Variants in WBP2NL observed in about 807,000 individuals in gnomAD.
WBP2NL encodes WBP2 N-terminal like, also known as postacrosomal sheath WW domain-binding protein.
WBP2NL carries 27 observed loss-of-function variants against 23.3 expected under a neutral mutation model. The observed-to-expected ratio is 1.16, with a 90% confidence interval of 0.85 to 1.60. The LOEUF is 1.60. Among genes scored for constraint, WBP2NL ranks in the 40% most tolerant of loss-of-function variants. WBP2NL has a pLI of 0.00. For synonymous variants in WBP2NL, 151 were observed against 145.9 expected (o/e 1.03, Z -0.25); for missense variants, 370 against 389.5 (o/e 0.95, Z 0.42).
intron 5 of WBP2NL, among the ~76,000 whole-genome samples, chr22:42,022,777 A>G (rs549309043): frequency 2.0e-5 from 3 of 152,288 alleles, no homozygotes; most frequent in South Asian, 2.1e-4. Flanking sequence ...GTCCACTGCT[A>G]CTGAATGGGG....
Position 42,028,093 on chromosome 22 carries a change from G to A in WBP2NL, c.*912G>A, listed in dbSNP as rs1924669825. The A allele has an allele frequency of 2.5e-6, 1 of 398,436 alleles. No homozygotes were observed. Among genetic ancestry groups the A allele is most frequent in the South Asian group, 1.3e-4 (1 of 7,858 alleles). The allele number at this position is 398,436 out of a possible 1,614,324, so 24.7% of individuals were successfully genotyped here. A position where few individuals can be genotyped will look rare whatever the true frequency, so the allele number is the denominator to read the frequency against. On this transcript the variant is annotated 3_prime_UTR_variant, in exon 6 of 6. Coordinates refer to ENST00000328823, the MANE Select transcript of WBP2NL (RefSeq NM_152613.3). Reference sequence around the variant, plus strand: ...GTGTGCACAAAGATGCATGTGGGAAGATTTCATTATATTCATTGTTTCTAA... The same window carrying A: ...GTGTGCACAAAGATGCATGTGGGAAAATTTCATTATATTCATTGTTTCTAA...
At chr22:42,002,557 C>G (rs1802653973) in intron 1 of WBP2NL, 1 of 152,210 alleles carries the variant, frequency 6.6e-6, no homozygotes, top group Non-Finnish European at 1.5e-5. Flanking sequence ...ACACTACACT[C>G]CAGCCTGGGT....
chr22:42,035,716 G>T (rs1052437958), downstream of WBP2NL, among the ~76,000 whole-genome samples: 1 of 152,058 alleles, frequency 6.6e-6, no homozygotes, highest in Non-Finnish European at 1.5e-5. Context: ...GAATGTTTTT[G>T]TGAAACATTG....
intron 1 of WBP2NL, 113 bp from the exon 2 acceptor site, chr22:42,019,198 G>A: frequency 3.3e-6 from 3 of 913,288 alleles, no homozygotes; most frequent in Non-Finnish European, 3.3e-6. Context: ...TCCCGCCTGG[G>A]CAACAGAGTA....
chr22:42,045,359 T>C (rs990765621), intron 8 of WBP2NL, among the ~76,000 whole-genome samples: 21 of 152,184 alleles, frequency 1.4e-4, no homozygotes, highest in Non-Finnish European at 1.5e-4. Flanking sequence ...GAGAATGGCG[T>C]GAACCCAGGA....
chr22:42,052,555 G>A (rs199808196), intron 8 of WBP2NL, among the ~76,000 whole-genome samples: 1 of 152,178 alleles, frequency 6.6e-6, no homozygotes, highest in Non-Finnish European at 1.5e-5. Flanking sequence ...GCTGGGATTA[G>A]AGGCATGAGC....
At chr22:42,033,830 G>A (rs1398035642), downstream of WBP2NL, among the ~76,000 whole-genome samples, 1 of 152,232 alleles carries the variant, frequency 6.6e-6, no homozygotes, top group African/African-American at 2.4e-5. Flanking sequence ...GGCCTCAGAG[G>A]GGAAGAAGTA....
chr22:42,020,876 A>G (rs1923859286), intron 4 of WBP2NL, among the ~76,000 whole-genome samples: 1 of 16,026 alleles, frequency 6.2e-5, no homozygotes, highest in Non-Finnish European at 9.9e-5. Flanking sequence ...GTGTATATAT[A>G]TATATATATA....
intron 1 of WBP2NL, among the ~76,000 whole-genome samples, chr22:42,000,059 C>G (rs970808278): frequency 6.6e-6 from 1 of 152,194 alleles, no homozygotes; most frequent in South Asian, 2.1e-4. Context: ...GCGCTCCTTT[C>G]TGGGCTCTGA....
chr22:42,020,866 GTGTATATATATA>G (rs1466498313), intron 4 of WBP2NL, among the ~76,000 whole-genome samples: 238 of 15,508 alleles, frequency 0.015, 2 homozygotes, highest in East Asian at 0.056. Flanking sequence ...GTGTGTGTGT[GTGTATATATATA>G]TATATATATA....
At chr22:42,036,872 C>G (rs1175258266), downstream of WBP2NL, among the ~76,000 whole-genome samples, 1 of 152,118 alleles carries the variant, frequency 6.6e-6, no homozygotes, top group East Asian at 1.9e-4. Flanking sequence ...TTTTCCCATT[C>G]TGTAGGTTGC....
intron 4 of WBP2NL, among the ~76,000 whole-genome samples, chr22:42,021,029 C>T (rs1220711577): frequency 6.9e-6 from 1 of 144,484 alleles, no homozygotes; most frequent in East Asian, 2.1e-4. Context: ...AAGTGATTCT[C>T]CTCCCTCAGC....
At chr22:42,043,039 A>G (rs987304405) in intron 8 of WBP2NL, among the ~76,000 whole-genome samples, 71 of 147,466 alleles carry the variant, frequency 4.8e-4, no homozygotes, top group Non-Finnish European at 9.0e-4. Context: ...AAAAAAAAAA[A>G]GGAGAAGAAG....
chr22:42,008,809 C>T (rs776897732), intron 1 of WBP2NL, among the ~76,000 whole-genome samples: 19 of 150,800 alleles, frequency 1.3e-4, no homozygotes, highest in East Asian at 3.9e-4. Context: ...GATGGAGTCT[C>T]GCTCTGTTGC....
intron 8 of WBP2NL, among the ~76,000 whole-genome samples, chr22:42,042,420 TTCTTCTACTTGAGTCA>T (rs59575728): frequency 0.069 from 10,520 of 152,238 alleles, 1,010 homozygotes; most frequent in East Asian, 0.52. Flanking sequence ...TGCAGATTCT[TTCTTCTACTTGAGTCA>T]TCTTCTGAAG....
chr22:42,035,689 A>G (rs1925157227), downstream of WBP2NL, among the ~76,000 whole-genome samples: 1 of 152,232 alleles, frequency 6.6e-6, no homozygotes, highest in African/African-American at 2.4e-5. Context: ...AATTATATAT[A>G]TTTAATGTAT....
intron 5 of WBP2NL, among the ~76,000 whole-genome samples, chr22:42,025,792 T>C (rs900899172): frequency 5.9e-5 from 9 of 152,206 alleles, no homozygotes; most frequent in Non-Finnish European, 8.8e-5. Context: ...TTAAATCACT[T>C]TGGGGAATGT....
downstream of WBP2NL, among the ~76,000 whole-genome samples, chr22:42,035,964 T>C (rs1260672903): frequency 1.3e-5 from 2 of 152,222 alleles, no homozygotes; most frequent in East Asian, 3.8e-4. Flanking sequence ...TCCAGCTTCA[T>C]TCATTTTGTT....
intron 1 of WBP2NL, among the ~76,000 whole-genome samples, chr22:42,013,105 G>A (rs965289117): frequency 1.3e-5 from 2 of 152,004 alleles, no homozygotes; most frequent in Non-Finnish European, 2.9e-5. Context: ...GGGCGTGGTG[G>A]CTTATGCCTG....
Sources: gnomAD v4.1 joint callset for allele counts (sites outside exome capture counted in the v4.1 genomes callset) on GRCh38, gnomAD v4.1.1 for gene constraint, MANE v1.5 for transcripts, NCBI Gene and HGNC (gene_info 2026-07-23, HGNC 2026-07-21) for gene names.